SLC8A1: variants seen among roughly 807,000 people sequenced by gnomAD.
SLC8A1 encodes solute carrier family 8 member A1.
Under a neutral mutation model 68.3 loss-of-function variants are expected in SLC8A1, and 18 were observed. The ratio of observed to expected loss-of-function variants is 0.26; its 90% CI spans 0.18 to 0.39. The LOEUF (loss-of-function observed/expected upper bound fraction) is 0.39. Ranked by LOEUF, SLC8A1 falls within the 10% of genes least tolerant of loss-of-function variation. The probability of loss-of-function intolerance (pLI) is 1.00; values close to 1 mark genes in which losing one functional copy is unlikely to be tolerated. For missense variants in SLC8A1, 985 were observed against 1,156.7 expected, an observed-to-expected ratio of 0.85 and a Z score of 2.15; for synonymous variants, 475 against 415.5, an observed-to-expected ratio of 1.14 and a Z score of -1.74.
At chr2:40,240,050 G>C (rs1004399243) in intron 2 of SLC8A1, among the ~76,000 whole-genome samples, 2 of 152,186 alleles carry the variant, frequency 1.3e-5, no homozygotes, top group Non-Finnish European at 2.9e-5. Context: ...CAAGTCAAGA[G>C]CCTGGGAAAC....
At chr2:40,480,009 T>C (rs1166802960) in intron 1 of SLC8A1, among the ~76,000 whole-genome samples, 1 of 152,118 alleles carries the variant, frequency 6.6e-6, no homozygotes, top group African/African-American at 2.4e-5. Flanking sequence ...AGTGACTTGA[T>C]TTTACTGCAG....
At chr2:40,499,320 C>T (rs191351496) in intron 1 of SLC8A1, among the ~76,000 whole-genome samples, 1 of 152,022 alleles carries the variant, frequency 6.6e-6, no homozygotes, top group East Asian at 1.9e-4. Flanking sequence ...TAGCATTTTT[C>T]TGTCTCATTT....
chr2:40,271,651 A>G (rs1420561833), intron 2 of SLC8A1, among the ~76,000 whole-genome samples: 1 of 152,202 alleles, frequency 6.6e-6, no homozygotes, highest in Non-Finnish European at 1.5e-5. Flanking sequence ...CTGGGAGCCA[A>G]GAACAGTGAC....
intron 7 of SLC8A1, among the ~76,000 whole-genome samples, chr2:40,137,635 G>C (rs949752864): frequency 2.6e-5 from 4 of 152,018 alleles, no homozygotes; most frequent in Non-Finnish European, 5.9e-5. Context: ...AATATTTTAA[G>C]TTTTTCCTTC....
Position 40,272,691 on chromosome 2 carries a change from G to A in SLC8A1, c.1809-94836C>T, listed in dbSNP as rs548453281. On this transcript the variant is annotated intron_variant, in intron 2 of 7. Transcript: ENST00000406785. ...GGCAGGCTGAGCTGGCAGTGCATCAGGCAATGCCCTTTTAACATTTTTCAC... is the reference window on the plus strand; with the variant it reads ...GGCAGGCTGAGCTGGCAGTGCATCAAGCAATGCCCTTTTAACATTTTTCAC... 8.5e-5 allele frequency among the ~76,000 whole-genome samples: 13 copies of A among 152,296 alleles called. No individual in the cohort carries two copies. The South Asian group carries it at 2.7e-3, about 32-fold the overall frequency.
chr2:40,448,216 A>T (rs1701799178), intron 1 of SLC8A1, among the ~76,000 whole-genome samples: 1 of 152,120 alleles, frequency 6.6e-6, no homozygotes, highest in Non-Finnish European at 1.5e-5. Context: ...TGTAAAACGT[A>T]TTTTGTAATG....
chr2:40,232,998 T>C (rs1170723607), intron 2 of SLC8A1, among the ~76,000 whole-genome samples: 2 of 151,862 alleles, frequency 1.3e-5, no homozygotes, highest in Non-Finnish European at 2.9e-5. Flanking sequence ...CAGTCTATCA[T>C]TGTTGGACAT....
intron 4 of SLC8A1, among the ~76,000 whole-genome samples, chr2:40,173,282 T>C (rs1283243088): frequency 6.6e-6 from 1 of 152,028 alleles, no homozygotes; most frequent in African/African-American, 2.4e-5. Context: ...AAAAAGGAGA[T>C]AAAAGTTTAA....
chr2:40,268,283 C>T (rs1394391259), intron 2 of SLC8A1, among the ~76,000 whole-genome samples: 1 of 152,026 alleles, frequency 6.6e-6, no homozygotes, highest in Admixed American at 6.6e-5. Context: ...GTCCCTACAC[C>T]ATACTCACTA....
chr2:40,245,907 C>T (rs12612349), intron 2 of SLC8A1, among the ~76,000 whole-genome samples: 18,400 of 152,058 alleles, frequency 0.12, 1,986 homozygotes, highest in East Asian at 0.53. Context: ...GATGAGGAAA[C>T]TGATGTTTAC....
At chr2:40,160,941 A>C (rs2045566353) in intron 5 of SLC8A1, 77 bp from the exon 9 acceptor site, 2 of 1,030,626 alleles carry the variant, frequency 1.9e-6, no homozygotes, top group African/African-American at 1.6e-5. Flanking sequence ...GTTGATTTTG[A>C]AACTCCAGAG....
chr2:40,156,676 G>GA (rs71404281), intron 6 of SLC8A1, among the ~76,000 whole-genome samples: 139 of 145,632 alleles, frequency 9.5e-4, no homozygotes, highest in South Asian at 4.9e-3. Flanking sequence ...AAATATTAAG[G>GA]AAAAAAAAAA....
At chr2:40,103,856 C>G (rs1194384818) in exon 8 of SLC8A1, 1 of 152,142 alleles carries the variant, frequency 6.6e-6, no homozygotes, top group African/African-American at 2.4e-5. Flanking sequence ...ATGGGCTTGA[C>G]AAGTGCATTG....
rs529936692 is a variant in SLC8A1, at chr2:40,202,350, A to G, written c.1809-24495T>C. 5.3e-4 allele frequency among the ~76,000 whole-genome samples: 80 copies of G among 152,116 alleles called. 1 individual carries two copies. The highest frequency in any genetic ancestry group is 1.8e-3 in the African/African-American group (74 of 41,534). On this transcript the variant is annotated intron_variant, in intron 2 of 7. Coordinates refer to ENST00000406785, the Ensembl canonical transcript of SLC8A1. ...CAAAGCTATCTGTGATTTATCACTC[A>G]GAATTACCTCTTTTCTGAATTTACC...
chr2:40,367,488 G>A (rs750315367), intron 2 of SLC8A1, among the ~76,000 whole-genome samples: 1 of 151,880 alleles, frequency 6.6e-6, no homozygotes, highest in Non-Finnish European at 1.5e-5. Context: ...TTTATAATAA[G>A]TATTGGTAAA....
intron 2 of SLC8A1, among the ~76,000 whole-genome samples, chr2:40,314,666 T>C (rs1413312444): frequency 6.6e-6 from 1 of 152,076 alleles, no homozygotes; most frequent in Non-Finnish European, 1.5e-5. Context: ...TTAGGTTTTC[T>C]TTAATTACTC....
chr2:40,389,300 T>G (rs1330823844), intron 2 of SLC8A1, among the ~76,000 whole-genome samples: 1 of 152,074 alleles, frequency 6.6e-6, no homozygotes, highest in Non-Finnish European at 1.5e-5. Context: ...AGTCTCACGG[T>G]AAGTGTCCTA....
At chr2:40,406,708 G>A (rs1197648307) in intron 2 of SLC8A1, among the ~76,000 whole-genome samples, 1 of 152,130 alleles carries the variant, frequency 6.6e-6, no homozygotes, top group African/African-American at 2.4e-5. Context: ...GTCAGCCATG[G>A]AGGAAGCAAC....
intron 2 of SLC8A1, chr2:40,254,535 A>AATT (rs2063564991): frequency 7.6e-6 from 1 of 131,842 alleles, no homozygotes; most frequent in African/African-American, 2.9e-5. Context: ...TGCAGTAAAG[A>AATT]ATTAGTCTCT....
Sources: allele counts gnomAD v4.1 joint callset (sites outside exome capture counted in the v4.1 genomes callset), GRCh38; gene constraint gnomAD v4.1.1; transcripts MANE v1.5; gene names NCBI Gene and HGNC (gene_info 2026-07-23, HGNC 2026-07-21).